The following MACROD2 variants were observed in gnomAD, a reference collection of about 807,000 sequenced individuals.
The protein encoded by MACROD2 is ADP-ribose glycohydrolase MACROD2.
MACROD2 carries 36 observed loss-of-function variants against 70.4 expected under a neutral mutation model. The ratio of observed to expected loss-of-function variants is 0.51; its 90% confidence interval spans 0.39 to 0.68. The LOEUF (loss-of-function observed/expected upper bound fraction) is 0.68, where lower values mean the gene tolerates loss of function less well. Ranked by LOEUF, MACROD2 falls within the 30% of genes least tolerant of loss-of-function variation. The pLI, the probability that MACROD2 is intolerant of heterozygous loss-of-function variation, is 0.00. For synonymous variants in MACROD2, 172 were observed against 178.8 expected (o/e 0.96, Z 0.30); for missense variants, 496 against 538.4 (o/e 0.92, Z 0.78).
chr20:15,764,345 G>T (rs1296818825), intron 8 of MACROD2, among the ~76,000 whole-genome samples: 2 of 151,576 alleles, frequency 1.3e-5, no homozygotes, highest in African/African-American at 4.8e-5. Context: ...ATATTTATTT[G>T]TTCTGTTCAT....
intron 5 of MACROD2, among the ~76,000 whole-genome samples, chr20:14,693,600 G>T (rs1413277555): frequency 1.3e-5 from 2 of 152,166 alleles, no homozygotes; most frequent in African/African-American, 2.4e-5. Flanking sequence ...TAATCCCAAA[G>T]ATTAAATATT....
At chr20:14,730,808 A>T (rs527552111) in intron 5 of MACROD2, among the ~76,000 whole-genome samples, 1 of 152,310 alleles carries the variant, frequency 6.6e-6, no homozygotes, top group African/African-American at 2.4e-5. Flanking sequence ...CAAAAGTTAC[A>T]TGTAAGCTGA....
At chr20:15,101,185 C>A (rs2075869416) in intron 5 of MACROD2, among the ~76,000 whole-genome samples, 1 of 152,072 alleles carries the variant, frequency 6.6e-6, no homozygotes, top group African/African-American at 2.4e-5. Context: ...AAAGTTCTGG[C>A]AGAGATAGTA....
At chr20:15,862,172 G>A (rs148267082) in intron 8 of MACROD2, among the ~76,000 whole-genome samples, 87 of 152,194 alleles carry the variant, frequency 5.7e-4, no homozygotes, top group African/African-American at 2.0e-3. Flanking sequence ...ATGTTATATC[G>A]ACCTTGCGTC....
intron 3 of MACROD2, among the ~76,000 whole-genome samples, chr20:14,337,989 C>T (rs759100910): frequency 1.4e-4 from 21 of 152,178 alleles, no homozygotes; most frequent in Admixed American, 8.5e-4. Flanking sequence ...AGAAGTTAAC[C>T]AAAATCAAAT....
At chr20:14,858,225 T>A (rs1020915427) in intron 5 of MACROD2, among the ~76,000 whole-genome samples, 1 of 152,134 alleles carries the variant, frequency 6.6e-6, no homozygotes, top group Non-Finnish European at 1.5e-5. Context: ...ATTTGGCACC[T>A]ATAGCAAGGT....
chr20:15,877,427 G>A (rs1225464172), intron 9 of MACROD2, among the ~76,000 whole-genome samples: 5 of 151,778 alleles, frequency 3.3e-5, no homozygotes, highest in African/African-American at 1.2e-4. Context: ...TTTTGGCCAA[G>A]GATCAGTTGA....
At chr20:14,126,978 G>C (rs6079310) in intron 3 of MACROD2, among the ~76,000 whole-genome samples, 79,366 of 152,004 alleles carry the variant, frequency 0.52, 22,597 homozygotes, top group Non-Finnish European at 0.62. Context: ...CAAGTGAAAG[G>C]AAGAGTCACA....
At chr20:14,933,171 A>G (rs1383730999) in intron 5 of MACROD2, among the ~76,000 whole-genome samples, 2 of 151,978 alleles carry the variant, frequency 1.3e-5, no homozygotes, top group African/African-American at 4.8e-5. Context: ...AAATCCCTTT[A>G]TACATACTGG....
rs769527111 is a variant in MACROD2, at chr20:14,548,717, C to CA, written c.301+55231dup. Among the ~76,000 whole-genome samples the CA allele has an allele frequency of 1.3e-3, 115 of 89,182 alleles. 19 individuals are homozygous for CA. Among genetic ancestry groups the CA allele is most frequent in the African/African-American group, 2.9e-3 (54 of 18,910 alleles). The allele number at this position is 89,182 out of a possible 152,430, so 58.5% of individuals were successfully genotyped here. ...TGGGCGACAGAGTGAGACTCCGTCTCAAAAAAAAAAAAAAAAAAAAAATAC... is the reference window on the plus strand; with the variant it reads ...TGGGCGACAGAGTGAGACTCCGTCTCAAAAAAAAAAAAAAAAAAAAAAATAC... On this transcript the variant is annotated intron_variant, in intron 4 of 17. Coordinates refer to ENST00000684519, the MANE Select transcript of MACROD2 (RefSeq NM_001351661.2).
At chr20:14,972,608 A>G (rs1305803560) in intron 5 of MACROD2, among the ~76,000 whole-genome samples, 1 of 152,214 alleles carries the variant, frequency 6.6e-6, no homozygotes, top group East Asian at 1.9e-4. Context: ...TATGTCCTAT[A>G]AGGGATCTGA....
intron 3 of MACROD2, among the ~76,000 whole-genome samples, chr20:14,282,591 C>G (rs1231687976): frequency 1.3e-5 from 2 of 152,152 alleles, no homozygotes; most frequent in African/African-American, 4.8e-5. Context: ...GCTTTAAATA[C>G]CGGAGACTGG....
At chr20:14,931,708 GGTCA>G (rs2074297160) in intron 5 of MACROD2, among the ~76,000 whole-genome samples, 1 of 151,004 alleles carries the variant, frequency 6.6e-6, no homozygotes, top group South Asian at 2.1e-4. Context: ...AAAAACAAAG[GGTCA>G]GTCAGGTGTG....
intron 5 of MACROD2, among the ~76,000 whole-genome samples, chr20:14,805,257 G>A (rs2072624956): frequency 6.6e-6 from 1 of 152,026 alleles, no homozygotes; most frequent in Non-Finnish European, 1.5e-5. Flanking sequence ...CCTACTTTCA[G>A]GCAGTCCTGG....
chr20:14,254,663 G>A (rs2082038706), intron 3 of MACROD2, among the ~76,000 whole-genome samples: 1 of 152,140 alleles, frequency 6.6e-6, no homozygotes, highest in Admixed American at 6.5e-5. Context: ...AGAAGTTGCA[G>A]TAAATAATTT....
intron 3 of MACROD2, among the ~76,000 whole-genome samples, chr20:14,153,759 C>T (rs2055056352): frequency 6.6e-6 from 1 of 152,174 alleles, no homozygotes; most frequent in East Asian, 1.9e-4. Flanking sequence ...GATTAAAAGA[C>T]ATTCACCACG....
At chr20:15,427,194 C>T (rs575858272) in intron 6 of MACROD2, among the ~76,000 whole-genome samples, 13 of 152,292 alleles carry the variant, frequency 8.5e-5, no homozygotes, top group Non-Finnish European at 1.8e-4. Flanking sequence ...TTACCAAAGT[C>T]ATCCTCCATT....
intron 5 of MACROD2, among the ~76,000 whole-genome samples, chr20:15,159,052 T>C (rs1414189924): frequency 1.3e-5 from 2 of 152,170 alleles, no homozygotes. Context: ...AAATTTCTTC[T>C]TCCTTTTTAA....
At chr20:15,075,706 T>C (rs1223936153) in intron 5 of MACROD2, among the ~76,000 whole-genome samples, 2 of 152,174 alleles carry the variant, frequency 1.3e-5, no homozygotes, top group South Asian at 4.1e-4. Context: ...CTGTCCTAAA[T>C]TGATTTAAAC....
Sources: allele counts gnomAD v4.1 joint callset (sites outside exome capture counted in the v4.1 genomes callset), GRCh38; gene constraint gnomAD v4.1.1; transcripts MANE v1.5; gene names NCBI Gene and HGNC (gene_info 2026-07-23, HGNC 2026-07-21).